Variants in MGLL observed in about 807,000 individuals in gnomAD.
MGLL encodes lysophospholipase homolog.
In MGLL, 7 loss-of-function variants were observed where a neutral mutation model predicts 29.1. The observed-to-expected ratio is 0.24, with a 90% confidence interval of 0.14 to 0.45. The LOEUF is 0.45. Among genes scored for constraint, MGLL ranks in the 20% least tolerant of loss-of-function variants. The pLI is 0.99. For missense variants in MGLL, 356 were observed against 413.6 expected, an observed-to-expected ratio of 0.86 and a Z score of 1.21; for synonymous variants, 148 against 168.3, an observed-to-expected ratio of 0.88 and a Z score of 0.93.
intron 5 of MGLL, chr3:127,715,806 C>G: frequency 2.2e-6 from 1 of 456,748 alleles, no homozygotes; most frequent in South Asian, 1.5e-5. Context: ...CAACCTCCAT[C>G]CTGAGCTGTG....
intron 2 of MGLL, among the ~76,000 whole-genome samples, chr3:127,818,595 C>T (rs1003876445): frequency 7.9e-5 from 12 of 151,982 alleles, no homozygotes; most frequent in African/African-American, 2.9e-4. Context: ...TGATGTTTAC[C>T]CTAACCCAAA....
intron 3 of MGLL, among the ~76,000 whole-genome samples, chr3:127,756,904 C>T (rs553283648): frequency 6.6e-6 from 1 of 152,206 alleles, no homozygotes; most frequent in South Asian, 2.1e-4. Context: ...GAGGGGCCCT[C>T]GTCTTCCTAG....
chr3:127,815,781 C>T (rs1055529282), intron 2 of MGLL, among the ~76,000 whole-genome samples: 2 of 152,226 alleles, frequency 1.3e-5, no homozygotes, highest in Non-Finnish European at 2.9e-5. Context: ...AAAGGCTCTG[C>T]GTGGCATAGC....
intron 3 of MGLL, among the ~76,000 whole-genome samples, chr3:127,765,826 C>A (rs2076845969): frequency 6.6e-6 from 1 of 152,074 alleles, no homozygotes; most frequent in South Asian, 2.1e-4. Context: ...AAGATGGGGG[C>A]TGTCTATTTA....
chr3:127,785,026 G>A (rs1245792716), intron 2 of MGLL, among the ~76,000 whole-genome samples: 1 of 152,134 alleles, frequency 6.6e-6, no homozygotes, highest in Non-Finnish European at 1.5e-5. Flanking sequence ...GCTGTTAAAT[G>A]TTTAACAACT....
intron 3 of MGLL, among the ~76,000 whole-genome samples, chr3:127,737,280 C>A (rs1218124283): frequency 2.0e-5 from 3 of 151,696 alleles, no homozygotes; most frequent in Non-Finnish European, 4.4e-5. Context: ...TCACAGCACC[C>A]TCTGATGTGT....
chr3:127,755,357 A>G (rs2076644098), intron 3 of MGLL, among the ~76,000 whole-genome samples: 1 of 152,160 alleles, frequency 6.6e-6, no homozygotes, highest in Admixed American at 6.5e-5. Context: ...AAAGGATAGC[A>G]TGCCTCTCCC....
intron 3 of MGLL, among the ~76,000 whole-genome samples, chr3:127,772,488 G>A (rs13066225): frequency 0.16 from 25,004 of 152,160 alleles, 2,358 homozygotes; most frequent in South Asian, 0.21. Flanking sequence ...GTGGAAGGAA[G>A]GTCACGTGAA....
chr3:127,729,472 C>CT (rs1335797975), intron 3 of MGLL, among the ~76,000 whole-genome samples: 1 of 152,100 alleles, frequency 6.6e-6, no homozygotes, highest in East Asian at 1.9e-4. Flanking sequence ...TTTACCAGAC[C>CT]TTTTTTTCAA....
intron 3 of MGLL, among the ~76,000 whole-genome samples, chr3:127,756,067 G>C (rs750967810): frequency 6.6e-6 from 1 of 152,182 alleles, no homozygotes; most frequent in African/African-American, 2.4e-5. Context: ...TGGAAGATAG[G>C]TATCATTTTT....
At chr3:127,693,257 C>G (rs1181201935) in intron 7 of MGLL, among the ~76,000 whole-genome samples, 1 of 152,198 alleles carries the variant, frequency 6.6e-6, no homozygotes, top group Non-Finnish European at 1.5e-5. Context: ...CTCTCTGCCA[C>G]CCTGCCTGGC....
Position 127,822,379 on chromosome 3 carries a change from C to T in MGLL, c.-61G>A, listed in dbSNP as rs2077878119. 7 of 1,594,754 alleles carry T rather than the reference C, an allele frequency of 4.4e-6. No individual in the cohort carries two copies. In the South Asian group the frequency reaches 7.7e-5, roughly 18 times the overall value. On this transcript the variant is annotated 5_prime_UTR_variant, in exon 1 of 8. Coordinates refer to ENST00000265052, the MANE Select transcript of MGLL (RefSeq NM_007283.7). ...CCTGGAGAATCAGAACCAGGCAAAT[C>T]GGGCTGTTCCCTCATCTGGGCGGCC...
intron 3 of MGLL, among the ~76,000 whole-genome samples, chr3:127,738,510 G>A (rs1161247301): frequency 6.6e-6 from 1 of 152,114 alleles, no homozygotes; most frequent in Non-Finnish European, 1.5e-5. Flanking sequence ...CTCAGCCCTG[G>A]GTTGCTCACA....
chr3:127,757,639 C>G (rs2076686944), intron 3 of MGLL, among the ~76,000 whole-genome samples: 1 of 152,204 alleles, frequency 6.6e-6, no homozygotes, highest in African/African-American at 2.4e-5. Context: ...GAGAAAGAAA[C>G]TCTTCATTGA....
intron 3 of MGLL, among the ~76,000 whole-genome samples, chr3:127,776,594 G>A (rs906238440): frequency 2.6e-5 from 4 of 150,972 alleles, no homozygotes; most frequent in Non-Finnish European, 5.9e-5. Flanking sequence ...CTGAGCTGCG[G>A]GCCTTGTGGC....
intron 6 of MGLL, among the ~76,000 whole-genome samples, chr3:127,696,915 C>A (rs1410639868): frequency 6.6e-6 from 1 of 152,242 alleles, no homozygotes; most frequent in Non-Finnish European, 1.5e-5. Context: ...TACACCCCTT[C>A]TGCTGCCACC....
chr3:127,792,964 A>G (rs2077325919), intron 2 of MGLL, among the ~76,000 whole-genome samples: 1 of 152,244 alleles, frequency 6.6e-6, no homozygotes, highest in Non-Finnish European at 1.5e-5. Flanking sequence ...ACATCTGGGC[A>G]GAAACTGAAG....
At chr3:127,759,929 G>C (rs938809035) in intron 3 of MGLL, among the ~76,000 whole-genome samples, 9 of 152,384 alleles carry the variant, frequency 5.9e-5, no homozygotes, top group African/African-American at 2.2e-4. Context: ...GGGTCTGAAT[G>C]ATCCAGCACT....
chr3:127,694,737 T>C (rs2075322844), intron 7 of MGLL, among the ~76,000 whole-genome samples: 1 of 152,240 alleles, frequency 6.6e-6, no homozygotes, highest in Admixed American at 6.5e-5. Flanking sequence ...CTTTTGATTG[T>C]TCTTCTTCCC....
Sources: gnomAD v4.1 joint callset for allele counts (sites outside exome capture counted in the v4.1 genomes callset) on GRCh38, gnomAD v4.1.1 for gene constraint, MANE v1.5 for transcripts, NCBI Gene and HGNC (gene_info 2026-07-23, HGNC 2026-07-21) for gene names.